The following ADCY1 variants were observed in gnomAD, a reference collection of about 807,000 sequenced individuals.
ADCY1 encodes the protein adenylate cyclase 1.
In ADCY1, 28 loss-of-function variants were observed where a neutral mutation model predicts 105.4. The ratio of observed to expected loss-of-function variants is 0.27; its 90% confidence interval spans 0.20 to 0.36. ADCY1 has a LOEUF of 0.36. Ranked by LOEUF, ADCY1 falls within the 10% of genes least tolerant of loss-of-function variation. ADCY1 has a pLI of 1.00. For synonymous variants in ADCY1, 655 were observed against 623.8 expected, an observed-to-expected ratio of 1.05 and a Z score of -0.75; for missense variants, 977 against 1,434.2, an observed-to-expected ratio of 0.68 and a Z score of 5.15.
chr7:45,713,655 A>G, intron 19 of ADCY1, 38 bp from the exon 20 acceptor site: 1 of 758,442 alleles, frequency 1.3e-6, no homozygotes, highest in Admixed American at 1.7e-5. Flanking sequence ...AGTCCCCCTC[A>G]TTGCCCTGAA....
intron 5 of ADCY1, 98 bp downstream of exon 5, chr7:45,648,895 C>G: frequency 1.4e-6 from 2 of 1,461,322 alleles, no homozygotes; most frequent in African/African-American, 1.4e-5. Flanking sequence ...GCTCCCCTCT[C>G]AGGGTCTCGC....
intron 4 of ADCY1, among the ~76,000 whole-genome samples, chr7:45,635,714 C>T (rs1214440665): frequency 7.2e-6 from 1 of 139,368 alleles, no homozygotes; most frequent in East Asian, 2.3e-4. Context: ...CTTTTGTGGT[C>T]AGAGAACATA....
rs138836914 is a variant in ADCY1, at chr7:45,703,632, C to T, written c.2604C>T (p.Gly868=). The change falls in exon 16 of 20, where the codon GGC becomes GGT. Residue 868 remains glycine (G), a synonymous_variant. Coordinates refer to ENST00000297323, the MANE Select transcript of ADCY1 (RefSeq NM_021116.4). This position sits in a 1 kb window ranked among gnomAD's most constrained non-coding sequence, Gnocchi z 5.9. ...DLYYQSYSQV[G]VMFASIPNFN... Reference sequence around the variant, plus strand: ...ACTACCAGTCCTACTCCCAGGTGGGCGTCATGTTTGCCTCCATCCCCAACT... The same window carrying T: ...ACTACCAGTCCTACTCCCAGGTGGGTGTCATGTTTGCCTCCATCCCCAACT... 2.2e-5 allele frequency: 36 copies of T among 1,612,924 alleles called. No individual in the cohort carries two copies. In the Middle Eastern group the frequency reaches 4.9e-4, roughly 22 times the overall value.
chr7:45,721,571 G>C lies in ADCY1; in HGVS notation c.*7576G>C, dbSNP rs1785472360. The stretch of plus-strand genomic sequence containing the variant: ...CTCAGCTTCTGCTCAGGAGTTCTGT[G>C]AGCTATGGGAAGGCCATTGGTTGTA... On this transcript the variant is annotated 3_prime_UTR_variant, in exon 20 of 20. Transcript: ENST00000297323. The C allele has an allele frequency of 2.5e-6, 1 of 397,702 alleles. No homozygotes were observed. The highest frequency in any genetic ancestry group is 4.4e-6 in the Non-Finnish European group (1 of 225,916). The allele number at this position is 397,702 out of a possible 1,614,324, so 24.6% of individuals were successfully genotyped here. A position where few individuals can be genotyped will look rare whatever the true frequency, so the allele number is the denominator to read the frequency against.
chr7:45,575,018 G>T lies in ADCY1; in HGVS notation c.475G>T (p.Ala159Ser). 1 of 1,611,954 alleles carries T rather than the reference G, an allele frequency of 6.2e-7. No homozygotes were observed. Among genetic ancestry groups the T allele is most frequent in the Admixed American group, 1.7e-5 (1 of 59,928 alleles). ...CGGGGCCGCTGGGGGGCCAGCGACC[G>T]CCGAACAAGGGGTTTGGCAGCTCCT... ...SAGAAGGPAT[A>S]EQGVWQLLLV... The change falls in exon 1 of 20, where the codon GCC (alanine) becomes TCC (serine). Residue 159 changes from alanine (A) to serine (S), a missense_variant. This residue lies in a region of ADCY1 where 196 missense variants were observed against 347.8 expected (regional missense o/e 0.56). Transcript: ENST00000297323. The surrounding 1 kb of genome is among the most constrained non-coding windows in gnomAD (Gnocchi z 4.7).
intron 1 of ADCY1, among the ~76,000 whole-genome samples, chr7:45,588,544 C>T (rs1253279156): frequency 6.6e-6 from 1 of 152,234 alleles, no homozygotes; most frequent in African/African-American, 2.4e-5. Flanking sequence ...TTAAGTCAAA[C>T]ACGAGTTCAT....
rs559378081 is a variant in ADCY1 at position 45,592,657 on chromosome 7, G to A, written c.640-102G>A. The A allele has an allele frequency of 4.0e-5, 61 of 1,526,774 alleles. No individual in the cohort carries two copies. The South Asian group carries it at 5.7e-4, about 14-fold the overall frequency. The allele number at this position is 1,526,774 out of a possible 1,614,324, so 94.6% of individuals were successfully genotyped here. On this transcript the variant is annotated intron_variant, in intron 1 of 19. Coordinates refer to ENST00000297323, the MANE Select transcript of ADCY1 (RefSeq NM_021116.4). ...GCGCTGTGGGTTTGGCCCGGGCGGC[G>A]TGGCTTTTGGAGAGCTCTTGCTATG...
intron 11 of ADCY1, chr7:45,680,328 G>A (rs181640277): frequency 3.0e-4 from 54 of 182,188 alleles, no homozygotes; most frequent in Admixed American, 2.8e-3. Context: ...GGGCCCTGAT[G>A]CCTCATCTGC....
chr7:45,649,951 G>A (rs888077692), intron 5 of ADCY1, among the ~76,000 whole-genome samples: 2 of 152,166 alleles, frequency 1.3e-5, no homozygotes, highest in African/African-American at 4.8e-5. Context: ...CTAACAGAGA[G>A]CCATTGCCCC....
intron 2 of ADCY1, among the ~76,000 whole-genome samples, chr7:45,601,246 T>TC (rs1233353083): frequency 2.6e-5 from 4 of 151,916 alleles, no homozygotes; most frequent in East Asian, 1.9e-4. Flanking sequence ...TTTCCTCCCT[T>TC]CCCCCCCTGC....
intron 14 of ADCY1, among the ~76,000 whole-genome samples, chr7:45,690,504 A>G (rs946082366): frequency 2.6e-5 from 4 of 152,198 alleles, no homozygotes; most frequent in Admixed American, 1.3e-4. Flanking sequence ...CTCCCTCGCT[A>G]CTGGCCCCTG....
At chr7:45,674,790 A>G (rs1414194789) in intron 8 of ADCY1, among the ~76,000 whole-genome samples, 1 of 152,132 alleles carries the variant, frequency 6.6e-6, no homozygotes, top group African/African-American at 2.4e-5. Context: ...TCATTTTGTA[A>G]TGTCTCTCTC....
chr7:45,649,309 G>A (rs1178286646), intron 5 of ADCY1, among the ~76,000 whole-genome samples: 1 of 152,146 alleles, frequency 6.6e-6, no homozygotes, highest in East Asian at 1.9e-4. Flanking sequence ...CCCATTTCTT[G>A]GTCAGTCTTA....
intron 17 of ADCY1, among the ~76,000 whole-genome samples, chr7:45,706,518 A>G: frequency 6.7e-6 from 1 of 148,750 alleles, no homozygotes. Context: ...AAAAAAGAAT[A>G]TAGATGCAGA....
At chr7:45,655,649 A>G (rs1248878190) in intron 5 of ADCY1, among the ~76,000 whole-genome samples, 2 of 152,192 alleles carry the variant, frequency 1.3e-5, no homozygotes, top group Admixed American at 6.5e-5. Flanking sequence ...CGACTGGGAA[A>G]GATTGAAGAT....
At position 45,720,664 on chromosome 7, in the gene ADCY1, C is replaced by T. The variant is rs151305184; in HGVS notation, c.*6669C>T. The T allele has an allele frequency of 3.3e-5, 5 of 152,258 alleles. No individual in the cohort carries two copies. The East Asian group carries it at 7.7e-4, about 24-fold the overall frequency. The allele number at this position is 152,258 out of a possible 1,614,324, so 9.4% of individuals were successfully genotyped here. A position where few individuals can be genotyped will look rare whatever the true frequency, so the allele number is the denominator to read the frequency against. The stretch of plus-strand genomic sequence containing the variant: ...TGAAATTAGTGAGTTTCCTTCTACC[C>T]GTCACCAGATTCAATATGTTCTATT... On this transcript the variant is annotated 3_prime_UTR_variant, in exon 20 of 20. Transcript: ENST00000297323.
At chr7:45,690,224 G>A (rs1784761247) in intron 14 of ADCY1, among the ~76,000 whole-genome samples, 1 of 152,184 alleles carries the variant, frequency 6.6e-6, no homozygotes, top group South Asian at 2.1e-4. Flanking sequence ...TGGGTCTCCA[G>A]GGGGCTGTGC....
intron 14 of ADCY1, among the ~76,000 whole-genome samples, chr7:45,700,995 T>C (rs1784985572): frequency 6.6e-6 from 1 of 152,186 alleles, no homozygotes; most frequent in African/African-American, 2.4e-5. Context: ...TGCATCCTGG[T>C]CAGTGATTTC....
At chr7:45,673,268 T>G (rs1162243825) in intron 8 of ADCY1, among the ~76,000 whole-genome samples, 3 of 152,210 alleles carry the variant, frequency 2.0e-5, no homozygotes, top group Non-Finnish European at 4.4e-5. Flanking sequence ...TCGTCTGGTG[T>G]TGGTATCAGG....
Sources: allele counts gnomAD v4.1 joint callset (sites outside exome capture counted in the v4.1 genomes callset), GRCh38; gene constraint gnomAD v4.1.1; regional missense constraint gnomAD v4.1.1; non-coding constraint Gnocchi (gnomAD v3.1); transcripts MANE v1.5; gene names NCBI Gene and HGNC (gene_info 2026-07-23, HGNC 2026-07-21).